RASGRP1: variants seen among roughly 807,000 people sequenced by gnomAD.
RASGRP1 encodes RAS guanyl-releasing protein 1.
RASGRP1 carries 37 observed loss-of-function variants against 95.1 expected under a neutral mutation model. That is an observed-to-expected ratio of 0.39 (90% CI 0.30 to 0.51). RASGRP1 has a LOEUF of 0.51. RASGRP1 is among the 20% of genes least tolerant of loss of function. The pLI is 0.80. For synonymous variants in RASGRP1, 325 were observed against 353.4 expected, an observed-to-expected ratio of 0.92 and a Z score of 0.90; for missense variants, 711 against 965.4, an observed-to-expected ratio of 0.74 and a Z score of 3.49.
chr15:38,559,785 G>A (rs959362175), intron 2 of RASGRP1, 36 bp downstream of exon 2: 1 of 1,579,240 alleles, frequency 6.3e-7, no homozygotes, highest in South Asian at 1.1e-5. Flanking sequence ...AAGTAATAGA[G>A]TGATTTTTAT....
intron 2 of RASGRP1, among the ~76,000 whole-genome samples, chr15:38,543,150 G>A (rs775781157): frequency 7.9e-5 from 12 of 151,630 alleles, no homozygotes; most frequent in African/African-American, 2.2e-4. Flanking sequence ...AAGACTTATC[G>A]TTTTAACTTT....
In RASGRP1 at chr15:38,507,452, A is replaced by T. The variant is rs1245013120; in HGVS notation, c.1242+274T>A. 2.0e-5 allele frequency among the ~76,000 whole-genome samples: 3 copies of T among 152,298 alleles called. No individual in the cohort carries two copies. The East Asian group carries it at 5.8e-4, about 29-fold the overall frequency. On this transcript the variant is annotated intron_variant, in intron 9 of 16. Transcript: ENST00000310803. ...CCAGAGAGCTTAGGACTGCTTTTGT[A>T]GAGGTAGTGAAACAGTCCTAGAAGT...
At position 38,550,286 on chromosome 15, in the gene RASGRP1, C is replaced by T. The variant is rs190289105; in HGVS notation, c.220+9535G>A. Among the ~76,000 whole-genome samples, 23 of 146,624 alleles carry T rather than the reference C, an allele frequency of 1.6e-4. No individual in the cohort carries two copies. In the East Asian group the frequency reaches 4.4e-3, roughly 28 times the overall value. On this transcript the variant is annotated intron_variant, in intron 2 of 16. Transcript: ENST00000310803. Reference sequence around the variant, plus strand: ...AAAAGAAAAGAAAAAAAAGTTAATACAGACAAAAGATCTTTTCTTGTTTCT... The same window carrying T: ...AAAAGAAAAGAAAAAAAAGTTAATATAGACAAAAGATCTTTTCTTGTTTCT...
At chr15:38,502,619 G>C (rs1377582801) in intron 11 of RASGRP1, among the ~76,000 whole-genome samples, 198 bp from the exon 12 acceptor site, 1 of 152,178 alleles carries the variant, frequency 6.6e-6, no homozygotes, top group Non-Finnish European at 1.5e-5. Context: ...GCAGCATGTG[G>C]GGGGTGGCCA....
chr15:38,500,186 G>C (rs1330733448), intron 13 of RASGRP1, 47 bp from the exon 14 acceptor site: 2 of 1,593,096 alleles, frequency 1.3e-6, no homozygotes, highest in Admixed American at 3.3e-5. Context: ...CATCCATCTG[G>C]TGTGAGGCTA....
chr15:38,494,813 A>G (rs755837862), intron 15 of RASGRP1, 46 bp from the exon 16 acceptor site: 15 of 1,339,866 alleles, frequency 1.1e-5, no homozygotes, highest in Admixed American at 2.8e-5. Flanking sequence ...TCAGGAAAGC[A>G]GAGACTCAAG....
intron 15 of RASGRP1, among the ~76,000 whole-genome samples, chr15:38,495,097 A>G (rs184683471): frequency 1.3e-5 from 2 of 152,302 alleles, no homozygotes; most frequent in East Asian, 3.9e-4. Flanking sequence ...AACAAGAACA[A>G]TATCTAGACA....
At position 38,526,306 on chromosome 15, in the gene RASGRP1, T is replaced by C. The variant is rs1261043638; in HGVS notation, c.319A>G (p.Ile107Val). 6.2e-7 allele frequency: 1 copy of C among 1,612,356 alleles called. No homozygotes were observed. Among genetic ancestry groups the C allele is most frequent in the East Asian group, 2.2e-5 (1 of 44,850 alleles). Residue 107 changes from isoleucine (I) to valine (V), a missense_variant, in exon 3 of 17, where the codon ATC becomes GTC. By Grantham distance (29) the Ile-to-Val change is conservative (BLOSUM62 3). Around this residue, in one of 3 missense-constraint regions of RASGRP1, gnomAD observed 491 missense variants for 676.6 expected, o/e 0.73. Transcript: ENST00000310803. ...CACTATGTTAAAGGATATAGGGTGA[T>C]AACTTTTTGGAGCAGTTCTGCAGAG... ...ISSAELLQKV[I>V]TLYKDALAKN... is the part of the protein sequence containing the mutation.
intron 2 of RASGRP1, among the ~76,000 whole-genome samples, chr15:38,548,919 G>A (rs535063477): frequency 6.6e-6 from 1 of 152,322 alleles, no homozygotes; most frequent in South Asian, 2.1e-4. Flanking sequence ...TTAGGCACTG[G>A]GACAGAGAGG....
chr15:38,517,960 G>A (rs765137099), intron 5 of RASGRP1, among the ~76,000 whole-genome samples: 3 of 152,124 alleles, frequency 2.0e-5, no homozygotes, highest in Admixed American at 6.5e-5. Context: ...GGCATTAAGC[G>A]TGGGTTCAGT....
At chr15:38,493,122 CG>C (rs2141074006) in intron 16 of RASGRP1, among the ~76,000 whole-genome samples, 1 of 151,434 alleles carries the variant, frequency 6.6e-6, no homozygotes, top group South Asian at 2.1e-4. Flanking sequence ...CCTCGTGATC[CG>C]CCCACCTTGG....
intron 5 of RASGRP1, among the ~76,000 whole-genome samples, chr15:38,517,736 A>G (rs1891843531): frequency 6.6e-6 from 1 of 152,184 alleles, no homozygotes; most frequent in Non-Finnish European, 1.5e-5. Context: ...TACAAAGCAT[A>G]CATTCCCCTC....
At chr15:38,524,969 TC>T (rs1332021170) in intron 3 of RASGRP1, among the ~76,000 whole-genome samples, 2 of 110,754 alleles carry the variant, frequency 1.8e-5, no homozygotes, top group Non-Finnish European at 3.9e-5. Context: ...CAATTTTCTT[TC>T]TTTTTTTTTT....
intron 3 of RASGRP1, among the ~76,000 whole-genome samples, chr15:38,521,795 CCT>C (rs1422943535): frequency 6.6e-6 from 1 of 152,048 alleles, no homozygotes; most frequent in Admixed American, 6.6e-5. Flanking sequence ...CAAATTTATC[CCT>C]CTCTTCTTTT....
chr15:38,519,415 C>T (rs1891913127), intron 3 of RASGRP1, 44 bp from the exon 4 acceptor site: 1 of 1,371,566 alleles, frequency 7.3e-7, no homozygotes, highest in African/African-American at 1.5e-5. Context: ...GTTACAGAAA[C>T]CAAACGACTT....
chr15:38,559,781 T>G, intron 2 of RASGRP1, 40 bp downstream of exon 2: 3 of 1,570,364 alleles, frequency 1.9e-6, no homozygotes, highest in Non-Finnish European at 2.6e-6. Context: ...AACAAAGTAA[T>G]AGAGTGATTT....
At chr15:38,557,441 G>A (rs567081458) in intron 2 of RASGRP1, among the ~76,000 whole-genome samples, 55 of 152,188 alleles carry the variant, frequency 3.6e-4, no homozygotes, top group Admixed American at 2.4e-3. Context: ...CTGACTTCCC[G>A]CAGCATTCCC....
At chr15:38,515,372 A>G (rs1891718164) in intron 6 of RASGRP1, among the ~76,000 whole-genome samples, 1 of 152,312 alleles carries the variant, frequency 6.6e-6, no homozygotes, top group South Asian at 2.1e-4. Flanking sequence ...TGGTAGGGGT[A>G]GGGGCTAAGT....
chr15:38,536,142 A>G (rs1382951939), intron 2 of RASGRP1, among the ~76,000 whole-genome samples: 5 of 152,176 alleles, frequency 3.3e-5, no homozygotes, highest in African/African-American at 4.8e-5. Context: ...GGAACAATTG[A>G]ATTATCTGGC....
Sources: gnomAD v4.1 joint callset for allele counts (sites outside exome capture counted in the v4.1 genomes callset) on GRCh38, gnomAD v4.1.1 for gene constraint, gnomAD v4.1.1 regional missense constraint, MANE v1.5 for transcripts, NCBI Gene and HGNC (gene_info 2026-07-23, HGNC 2026-07-21) for gene names.